Variants in GSK3B observed in about 807,000 individuals in gnomAD.
GSK3B encodes glycogen synthase kinase 3 beta.
Under a neutral mutation model 56.4 loss-of-function variants are expected in GSK3B, and 15 were observed. The observed-to-expected ratio is 0.27, with a 90% CI of 0.18 to 0.41. GSK3B has a LOEUF of 0.41. Ranked by LOEUF, GSK3B falls within the 10% of genes least tolerant of loss-of-function variation. GSK3B has a pLI of 1.00. For synonymous variants in GSK3B, 181 were observed against 188.9 expected (o/e 0.96, Z 0.34); for missense variants, 300 against 513.4 (o/e 0.58, Z 4.02).
At chr3:119,975,873 C>T (rs866765863) in intron 2 of GSK3B, among the ~76,000 whole-genome samples, 2 of 152,214 alleles carry the variant, frequency 1.3e-5, no homozygotes, top group Middle Eastern at 6.8e-3. Flanking sequence ...GTATATATGG[C>T]AATTCTCTGT....
chr3:119,950,924 T>C (rs2057150829), intron 2 of GSK3B, among the ~76,000 whole-genome samples: 1 of 152,096 alleles, frequency 6.6e-6, no homozygotes, highest in Non-Finnish European at 1.5e-5. Context: ...AGGGCTATGG[T>C]CATTTAGGAT....
intron 7 of GSK3B, among the ~76,000 whole-genome samples, chr3:119,876,896 G>A (rs867142385): frequency 9.2e-5 from 14 of 152,256 alleles, no homozygotes; most frequent in South Asian, 2.1e-4. Context: ...CAGCACGAAG[G>A]CCATCACCAG....
rs1378625660 is a variant in GSK3B at position 119,824,554 on chromosome 3, G to C, written c.*2234C>G. The C allele has an allele frequency of 4.7e-6, 1 of 212,224 alleles. No homozygotes were observed. Among genetic ancestry groups the C allele is most frequent in the Admixed American group, 5.9e-5 (1 of 17,030 alleles). 13.1% of individuals were successfully genotyped at this position (212,224 alleles called of 1,614,324 possible). On this transcript the variant is annotated 3_prime_UTR_variant, in exon 11 of 11. Coordinates refer to ENST00000264235, the MANE Select transcript of GSK3B (RefSeq NM_001146156.2). ...AATGCAGGTCCATTTCTCTATCACA[G>C]ACCTGCCTTTTCAGATTCTTTATAA...
At chr3:120,073,219 T>TAA (rs972347264) in intron 1 of GSK3B, among the ~76,000 whole-genome samples, 884 of 70,542 alleles carry the variant, frequency 0.013, 11 homozygotes, top group African/African-American at 0.031. Flanking sequence ...CAAAAAAAAT[T>TAA]AAAAAAAAAA....
intron 3 of GSK3B, among the ~76,000 whole-genome samples, chr3:119,926,962 T>C (rs139488917): frequency 1.3e-4 from 20 of 152,298 alleles, no homozygotes; most frequent in Non-Finnish European, 2.6e-4. Context: ...ACTCTTACCA[T>C]TGTATAACCA....
chr3:119,887,317 AAAG>A (rs2056447037), intron 7 of GSK3B, among the ~76,000 whole-genome samples: 1 of 152,138 alleles, frequency 6.6e-6, no homozygotes, highest in Non-Finnish European at 1.5e-5. Context: ...CAACATTTTT[AAAG>A]AAGTAGGAAA....
chr3:119,954,962 A>G (rs575644622), intron 2 of GSK3B, among the ~76,000 whole-genome samples: 25 of 152,284 alleles, frequency 1.6e-4, no homozygotes, highest in Non-Finnish European at 2.8e-4. Context: ...GCATGTGGTT[A>G]TCATCTTTTC....
intron 1 of GSK3B, among the ~76,000 whole-genome samples, chr3:120,003,624 T>C (rs1466574149): frequency 1.3e-5 from 2 of 152,236 alleles, no homozygotes; most frequent in African/African-American, 4.8e-5. Context: ...GAAATATAAA[T>C]TGCTAGATAA....
chr3:120,094,211 G>A lies in GSK3B; in HGVS notation c.-777C>T. The A allele has an allele frequency of 4.4e-6, 1 of 225,726 alleles. No individual in the cohort carries two copies. The highest frequency in any genetic ancestry group is 8.9e-6 in the Non-Finnish European group (1 of 112,670). The allele number at this position is 225,726 out of a possible 1,614,324, so 14.0% of individuals were successfully genotyped here. Reference sequence around the variant, plus strand: ...ACATGGGAACCCGGCAACCGCTTCCGTCCCTCGGGGCCCCCTCCCCCGTCC... The same window carrying A: ...ACATGGGAACCCGGCAACCGCTTCCATCCCTCGGGGCCCCCTCCCCCGTCC... On this transcript the variant is annotated 5_prime_UTR_variant, in exon 1 of 11. It adds an upstream start codon to the 5' untranslated region. Coordinates refer to ENST00000264235, the MANE Select transcript of GSK3B (RefSeq NM_001146156.2).
intron 7 of GSK3B, 79 bp downstream of exon 7, chr3:119,905,676 T>C (rs1229505676): frequency 2.5e-6 from 2 of 786,198 alleles, no homozygotes; most frequent in Non-Finnish European, 4.4e-6. Flanking sequence ...GTTTCTCGTA[T>C]GTGTACATGT....
chr3:119,914,227 T>C lies in GSK3B; in HGVS notation c.609-1417A>G, dbSNP rs1206094982. 3.3e-5 allele frequency among the ~76,000 whole-genome samples: 5 copies of C among 152,020 alleles called. No individual in the cohort carries two copies. In the East Asian group the frequency reaches 9.6e-4, roughly 29 times the overall value. The stretch of plus-strand genomic sequence containing the variant: ...ATCTAGTAAAAAAATAAGAAGAAAG[T>C]AATAGTATTTTGTTCAAATTACCAA... On this transcript the variant is annotated intron_variant, in intron 5 of 10. Transcript: ENST00000264235.
At chr3:119,982,182 A>C (rs1417777122) in intron 2 of GSK3B, among the ~76,000 whole-genome samples, 1 of 152,208 alleles carries the variant, frequency 6.6e-6, no homozygotes, top group African/African-American at 2.4e-5. Context: ...AACAAAAAGG[A>C]CATCTACACC....
At chr3:119,921,069 CTT>C (rs1281807830) in intron 4 of GSK3B, among the ~76,000 whole-genome samples, 1 of 152,190 alleles carries the variant, frequency 6.6e-6, no homozygotes, top group Non-Finnish European at 1.5e-5. Context: ...ACTTGGAATA[CTT>C]TGTCATGTTA....
chr3:120,056,440 A>G (rs1223971038), intron 1 of GSK3B, among the ~76,000 whole-genome samples: 11 of 152,184 alleles, frequency 7.2e-5, no homozygotes, highest in Admixed American at 7.2e-4. Context: ...TCCAGGTTCA[A>G]GTGATTCTCC....
At position 119,905,802 on chromosome 3, in the gene GSK3B, T is replaced by G; in HGVS notation, c.766A>C (p.Ile256Leu). 1 of 1,606,416 alleles carries G rather than the reference T, an allele frequency of 6.2e-7. No individual in the cohort carries two copies. The highest frequency in any genetic ancestry group is 8.5e-7 in the Non-Finnish European group (1 of 1,173,056). Residue 256 changes from isoleucine to leucine, a missense_variant, in exon 7 of 11, where the codon ATA becomes CTA. By Grantham distance (5) the Ile-to-Leu change is conservative. Coordinates refer to ENST00000264235, the MANE Select transcript of GSK3B (RefSeq NM_001146156.2). ...VLAELLLGQP[I>L]FPGDSGVDQL... ...TCCACACCACTATCCCCTGGAAATATTGGTTGTCCTAGTAACAGCTCAGCC... is the reference window on the plus strand; with the variant it reads ...TCCACACCACTATCCCCTGGAAATAGTGGTTGTCCTAGTAACAGCTCAGCC...
At chr3:120,093,274 G>A (rs2058529590) in intron 1 of GSK3B, 73 bp downstream of exon 1, 1 of 982,524 alleles carries the variant, frequency 1.0e-6, no homozygotes, top group Admixed American at 1.8e-5. Context: ...AATAATTTCA[G>A]ATCCTGGTAT....
intron 3 of GSK3B, among the ~76,000 whole-genome samples, chr3:119,944,535 A>C (rs74929317): frequency 0.027 from 4,176 of 152,276 alleles, 184 homozygotes; most frequent in African/African-American, 0.092. Flanking sequence ...ATTCTAGAAA[A>C]AGAAGGCAAT....
At chr3:119,854,907 G>A (rs555021701) in intron 9 of GSK3B, among the ~76,000 whole-genome samples, 81 of 152,096 alleles carry the variant, frequency 5.3e-4, no homozygotes, top group South Asian at 2.5e-3. Context: ...GGTTTTTTGC[G>A]TCTCTATCTC....
At chr3:120,007,293 AGG>A (rs1280049665) in intron 1 of GSK3B, among the ~76,000 whole-genome samples, 1 of 152,208 alleles carries the variant, frequency 6.6e-6, no homozygotes, top group East Asian at 1.9e-4. Flanking sequence ...AAAAAAGTCC[AGG>A]ACCAGACAAA....
Sources: allele counts gnomAD v4.1 joint callset (sites outside exome capture counted in the v4.1 genomes callset), GRCh38; gene constraint gnomAD v4.1.1; transcripts MANE v1.5; gene names NCBI Gene and HGNC (gene_info 2026-07-23, HGNC 2026-07-21).